RPS6KC1: variants seen among roughly 807,000 people sequenced by gnomAD.
RPS6KC1 encodes the protein inactive ribosomal protein S6 kinase delta-1.
A neutral mutation model predicts 103.8 loss-of-function variants in RPS6KC1; 54 were observed. The observed-to-expected ratio is 0.52, with a 90% CI of 0.42 to 0.65. RPS6KC1 has a LOEUF of 0.65. Among genes scored for constraint, RPS6KC1 ranks in the 30% least tolerant of loss-of-function variants. RPS6KC1 has a pLI of 0.00. For synonymous variants in RPS6KC1, 439 were observed against 438.7 expected (o/e 1.00, Z -0.01); for missense variants, 1,151 against 1,253.8 (o/e 0.92, Z 1.24).
At chr1:213,677,386 A>C in the RPS6KC1 span, among the ~76,000 whole-genome samples, 1 of 152,212 alleles carries the variant, frequency 6.6e-6, no homozygotes, top group Non-Finnish European at 1.5e-5. Flanking sequence ...AAATGGTCAG[A>C]TAGACTAGAG....
intron 5 of RPS6KC1, among the ~76,000 whole-genome samples, chr1:213,119,199 A>C (rs935004663): frequency 6.6e-6 from 1 of 151,560 alleles, no homozygotes; most frequent in African/African-American, 2.4e-5. Flanking sequence ...TAATCCTAGC[A>C]CTTTTGGGAG....
At chr1:213,362,892 T>C in the RPS6KC1 span, among the ~76,000 whole-genome samples, 1 of 152,202 alleles carries the variant, frequency 6.6e-6, no homozygotes, top group African/African-American at 2.4e-5. Flanking sequence ...CCCTTGGACT[T>C]GAACTGCAAC....
the RPS6KC1 span, among the ~76,000 whole-genome samples, chr1:213,602,167 T>TTTCTTTCTTTCTTTCTTTCC: frequency 1.1e-5 from 1 of 92,186 alleles, no homozygotes; most frequent in African/African-American, 4.5e-5. Flanking sequence ...TCTTTCTTTC[T>TTTCTTTCTTTCTTTCTTTCC]TTCTTTCTTT....
At chr1:213,287,972 A>G in the RPS6KC1 span, among the ~76,000 whole-genome samples, 1 of 51,408 alleles carries the variant, frequency 1.9e-5, no homozygotes, top group African/African-American at 3.2e-5. Context: ...CTTTCATAGT[A>G]ATAGTAACTG....
chr1:213,071,033 G>A lies in RPS6KC1; in HGVS notation c.133G>A (p.Val45Ile). ...RVVSRRNPEDVQEIIVWKRYS... is the reference protein window; with the variant it reads ...RVVSRRNPEDIQEIIVWKRYS... Reference sequence around the variant, plus strand: ...TGTTTCACGAAGAAATCCAGAGGATGTCCAGGAGGTAACATTTATATGAAG... The same window carrying A: ...TGTTTCACGAAGAAATCCAGAGGATATCCAGGAGGTAACATTTATATGAAG... The change falls in exon 2 of 15, where the codon GTC (valine) becomes ATC (isoleucine). Residue 45 changes from valine to isoleucine, a missense_variant. Physicochemically the swap from Val to Ile is conservative, Grantham distance 29. Transcript: ENST00000366960. 3 of 1,540,426 alleles carry A rather than the reference G, an allele frequency of 1.9e-6. No homozygotes were observed. Among genetic ancestry groups the A allele is most frequent in the Admixed American group, 1.9e-5 (1 of 52,584 alleles).
the RPS6KC1 span, among the ~76,000 whole-genome samples, chr1:213,421,024 C>G: frequency 6.6e-6 from 1 of 152,308 alleles, no homozygotes; most frequent in African/African-American, 2.4e-5. Flanking sequence ...ATCCTAATGA[C>G]TTTGTTTTCA....
At chr1:213,629,770 G>A in the RPS6KC1 span, among the ~76,000 whole-genome samples, 3 of 152,118 alleles carry the variant, frequency 2.0e-5, no homozygotes, top group African/African-American at 7.2e-5. Context: ...CTCTTTTAGG[G>A]CAGGCCTGGT....
chr1:213,414,453 C>T, the RPS6KC1 span, among the ~76,000 whole-genome samples: 1 of 152,146 alleles, frequency 6.6e-6, no homozygotes, highest in African/African-American at 2.4e-5. Flanking sequence ...AACAGAGAGC[C>T]ATAGAGCAGG....
At chr1:213,834,095 G>C in the RPS6KC1 span, among the ~76,000 whole-genome samples, 1 of 152,176 alleles carries the variant, frequency 6.6e-6, no homozygotes, top group Non-Finnish European at 1.5e-5. Flanking sequence ...CTGGAGTGCA[G>C]TGGCACAATC....
chr1:213,762,206 A>G, the RPS6KC1 span, among the ~76,000 whole-genome samples: 1 of 152,166 alleles, frequency 6.6e-6, no homozygotes, highest in South Asian at 2.1e-4. Context: ...CGTGCTTTTC[A>G]CCCTTTTGCA....
At chr1:213,284,643 A>AG in the RPS6KC1 span, among the ~76,000 whole-genome samples, 3 of 151,774 alleles carry the variant, frequency 2.0e-5, no homozygotes, top group African/African-American at 7.3e-5. Context: ...GAAGTAGGCA[A>AG]GAAGATGGAA....
chr1:213,211,707 C>T (rs2093511621), intron 8 of RPS6KC1, among the ~76,000 whole-genome samples: 1 of 152,094 alleles, frequency 6.6e-6, no homozygotes, highest in Non-Finnish European at 1.5e-5. Flanking sequence ...TATGAGACAT[C>T]ATTGAGGAAT....
At chr1:213,786,733 C>G in the RPS6KC1 span, among the ~76,000 whole-genome samples, 2 of 152,116 alleles carry the variant, frequency 1.3e-5, no homozygotes, top group African/African-American at 4.8e-5. Flanking sequence ...ACTTTTCTGG[C>G]GGGATTTTAG....
At chr1:213,599,528 GA>G in the RPS6KC1 span, among the ~76,000 whole-genome samples, 1 of 152,132 alleles carries the variant, frequency 6.6e-6, no homozygotes, top group Non-Finnish European at 1.5e-5. Context: ...ACAGTGGGGG[GA>G]AAATAATGGA....
At chr1:213,621,344 G>C in the RPS6KC1 span, among the ~76,000 whole-genome samples, 338 of 150,702 alleles carry the variant, frequency 2.2e-3, 2 homozygotes, top group Non-Finnish European at 4.1e-3. Flanking sequence ...GTATTCTTGA[G>C]GCTAGGAGTT....
At chr1:213,811,697 G>C in the RPS6KC1 span, among the ~76,000 whole-genome samples, 1 of 152,188 alleles carries the variant, frequency 6.6e-6, no homozygotes, top group Admixed American at 6.5e-5. Flanking sequence ...AAAGTTCCCT[G>C]TCATCCAGTT....
the RPS6KC1 span, among the ~76,000 whole-genome samples, chr1:213,654,037 T>C: frequency 6.6e-6 from 1 of 152,230 alleles, no homozygotes; most frequent in South Asian, 2.1e-4. Context: ...CAGCCCCCAT[T>C]GTACAGATGG....
intron 3 of RPS6KC1, among the ~76,000 whole-genome samples, chr1:213,089,251 T>TA (rs1387047123): frequency 1.3e-5 from 2 of 152,218 alleles, no homozygotes; most frequent in Admixed American, 6.5e-5. Flanking sequence ...CATGAACTCT[T>TA]ACCGTTGTAG....
the RPS6KC1 span, among the ~76,000 whole-genome samples, chr1:213,389,029 A>G: frequency 6.6e-6 from 1 of 152,068 alleles, no homozygotes; most frequent in African/African-American, 2.4e-5. Flanking sequence ...GTGACAAGAA[A>G]CTTGTTGAAG....
Sources: gnomAD v4.1 joint callset for allele counts (sites outside exome capture counted in the v4.1 genomes callset) on GRCh38, gnomAD v4.1.1 for gene constraint, MANE v1.5 for transcripts, NCBI Gene and HGNC (gene_info 2026-07-23, HGNC 2026-07-21) for gene names.